Variants in SDK1 observed in about 807,000 individuals in gnomAD.
SDK1 encodes protein sidekick-1.
A neutral mutation model predicts 245.5 loss-of-function variants in SDK1; 157 were observed. The observed-to-expected ratio is 0.64, with a 90% confidence interval of 0.56 to 0.73. The LOEUF is 0.73. Among genes scored for constraint, SDK1 ranks in the 30% least tolerant of loss-of-function variants. The pLI is 0.00. For synonymous variants in SDK1, 1,647 were observed against 1,278.5 expected, an observed-to-expected ratio of 1.29 and a Z score of -6.15; for missense variants, 3,583 against 3,002.3, an observed-to-expected ratio of 1.19 and a Z score of -4.52.
intron 4 of SDK1, among the ~76,000 whole-genome samples, chr7:3,745,858 A>T (rs1779601435): frequency 6.6e-6 from 1 of 152,222 alleles, no homozygotes; most frequent in South Asian, 2.1e-4. Context: ...AAAATAATGG[A>T]TTGAAACTAT....
intron 1 of SDK1, among the ~76,000 whole-genome samples, chr7:3,612,701 A>G (rs1332732757): frequency 6.6e-6 from 1 of 152,166 alleles, no homozygotes; most frequent in Non-Finnish European, 1.5e-5. Context: ...AGTGGTTTAA[A>G]CTGAAAGATT....
In SDK1 at chr7:3,829,799, C is replaced by G. The variant is rs1230203788; in HGVS notation, c.847+8216C>G. On this transcript the variant is annotated intron_variant, in intron 5 of 44. Transcript: ENST00000404826. ...TTCTGTTCTGATATCAAAACCACTC[C>G]CGATCAACATTCATTCCAGAGAACA... 5.9e-5 allele frequency among the ~76,000 whole-genome samples: 9 copies of G among 152,266 alleles called. 1 individual carries two copies. The South Asian group carries it at 1.9e-3, about 32-fold the overall frequency.
At chr7:3,478,722 A>G (rs1183178820) in intron 1 of SDK1, among the ~76,000 whole-genome samples, 2 of 152,014 alleles carry the variant, frequency 1.3e-5, no homozygotes. Context: ...CCTTGATTCT[A>G]CCTGATTCAT....
At chr7:3,529,552 T>C (rs1006779805) in intron 1 of SDK1, among the ~76,000 whole-genome samples, 3 of 149,556 alleles carry the variant, frequency 2.0e-5, no homozygotes, top group African/African-American at 7.6e-5. Context: ...GCAAAGTTTG[T>C]TGTTGTTGTT....
Position 4,113,936 on chromosome 7 carries a change from C to T in SDK1, c.3586-101C>T, listed in dbSNP as rs144249905. 4.1e-5 allele frequency: 34 copies of T among 839,274 alleles called. No homozygotes were observed. In the African/African-American group the frequency reaches 4.6e-4, roughly 11 times the overall value. The allele number at this position is 839,274 out of a possible 1,614,324, so 52.0% of individuals were successfully genotyped here. The stretch of plus-strand genomic sequence containing the variant: ...AAGACTATTTCCCCCAGGAACACCT[C>T]CTCCACGGAGTTGGCCTCACAGGGC... On this transcript the variant is annotated intron_variant, in intron 24 of 44. Transcript: ENST00000404826.
chr7:3,363,111 C>T (rs1270549779), intron 1 of SDK1, among the ~76,000 whole-genome samples: 2 of 152,168 alleles, frequency 1.3e-5, no homozygotes, highest in Non-Finnish European at 2.9e-5. Context: ...CTCATGTTGC[C>T]CTTCTGCAGC....
chr7:3,884,070 T>C (rs1261124480), intron 5 of SDK1, among the ~76,000 whole-genome samples: 1 of 143,492 alleles, frequency 7.0e-6, no homozygotes, highest in Non-Finnish European at 1.5e-5. Context: ...GTTTTTTGTT[T>C]GTTTGTTTTT....
At chr7:3,846,604 A>G (rs1002288702) in intron 5 of SDK1, among the ~76,000 whole-genome samples, 8 of 152,110 alleles carry the variant, frequency 5.3e-5, no homozygotes, top group African/African-American at 1.9e-4. Flanking sequence ...ATGTATGTGG[A>G]CTCATTCTTA....
intron 5 of SDK1, among the ~76,000 whole-genome samples, chr7:3,857,885 G>A (rs116198520): frequency 0.014 from 2,116 of 152,162 alleles, 57 homozygotes; most frequent in African/African-American, 0.049. Context: ...AAATATTTTT[G>A]AATAAACTGA....
intron 4 of SDK1, among the ~76,000 whole-genome samples, chr7:3,821,244 C>T (rs892528316): frequency 8.6e-6 from 1 of 116,844 alleles, no homozygotes; most frequent in Admixed American, 7.7e-5. Context: ...GGCTCAGACA[C>T]TGGGGCTGCA....
intron 4 of SDK1, among the ~76,000 whole-genome samples, chr7:3,738,383 C>G (rs550512120): frequency 1.3e-5 from 2 of 152,162 alleles, no homozygotes; most frequent in Non-Finnish European, 2.9e-5. Flanking sequence ...TCTGGGCTTT[C>G]TAATCTATTA....
intron 40 of SDK1, among the ~76,000 whole-genome samples, chr7:4,232,411 C>CTTTTTTTTTCTTTTTT (rs1785848257): frequency 1.0e-5 from 1 of 98,786 alleles, no homozygotes; most frequent in Non-Finnish European, 2.0e-5. Context: ...TCTTTTCTTT[C>CTTTTTTTTTCTTTTTT]TTTTTTTTTT....
intron 1 of SDK1, among the ~76,000 whole-genome samples, chr7:3,506,496 C>G (rs1435144052): frequency 6.6e-6 from 1 of 152,096 alleles, no homozygotes; most frequent in South Asian, 2.1e-4. Flanking sequence ...ATATAATTTG[C>G]CAAATTTTTA....
At chr7:3,540,636 C>T (rs555376811) in intron 1 of SDK1, among the ~76,000 whole-genome samples, 2 of 152,260 alleles carry the variant, frequency 1.3e-5, no homozygotes, top group South Asian at 2.1e-4. Context: ...CTTATGAATG[C>T]AGGGAGAATG....
intron 1 of SDK1, among the ~76,000 whole-genome samples, chr7:3,604,309 G>C (rs1051939502): frequency 6.6e-6 from 1 of 152,138 alleles, no homozygotes; most frequent in Non-Finnish European, 1.5e-5. Flanking sequence ...AATCCATCTG[G>C]TCCTTGTATT....
At chr7:3,457,129 C>G (rs1051411165) in intron 1 of SDK1, among the ~76,000 whole-genome samples, 5 of 152,152 alleles carry the variant, frequency 3.3e-5, no homozygotes, top group East Asian at 1.9e-4. Flanking sequence ...TCTGGTGCCA[C>G]TGTGCTTACT....
At chr7:4,153,326 C>T (rs916793501) in intron 30 of SDK1, among the ~76,000 whole-genome samples, 1 of 151,890 alleles carries the variant, frequency 6.6e-6, no homozygotes, top group Admixed American at 6.6e-5. Flanking sequence ...TGGCTCATGC[C>T]TGTAATCCCA....
At chr7:3,344,892 A>G (rs939457486) in intron 1 of SDK1, among the ~76,000 whole-genome samples, 2 of 152,196 alleles carry the variant, frequency 1.3e-5, no homozygotes, top group Non-Finnish European at 2.9e-5. Context: ...TTACTGTTGT[A>G]CAGTAATAAC....
intron 5 of SDK1, among the ~76,000 whole-genome samples, chr7:3,858,797 G>A (rs1168130309): frequency 6.7e-6 from 1 of 149,680 alleles, no homozygotes; most frequent in Non-Finnish European, 1.5e-5. Context: ...CAATAGTGTT[G>A]TTTTTGGTTA....
Sources: gnomAD v4.1 joint callset for allele counts (sites outside exome capture counted in the v4.1 genomes callset) on GRCh38, gnomAD v4.1.1 for gene constraint, MANE v1.5 for transcripts, NCBI Gene and HGNC (gene_info 2026-07-23, HGNC 2026-07-21) for gene names.